The following MGAT3 variants were observed in gnomAD, a reference collection of about 807,000 sequenced individuals.
MGAT3 encodes GlcNAc-T III.
Under a neutral mutation model 29.8 loss-of-function variants are expected in MGAT3, and 9 were observed. The ratio of observed to expected loss-of-function variants is 0.30; its 90% CI spans 0.18 to 0.53. The LOEUF (loss-of-function observed/expected upper bound fraction) is 0.53. Ranked by LOEUF, MGAT3 falls within the 20% of genes least tolerant of loss-of-function variation. MGAT3 has a pLI of 0.96. For missense variants in MGAT3, 557 were observed against 769.5 expected, an observed-to-expected ratio of 0.72 and a Z score of 3.27; for synonymous variants, 397 against 348.9, an observed-to-expected ratio of 1.14 and a Z score of -1.54.
rs1320280105 is a variant in MGAT3, at chr22:39,489,510, G to A, written c.*561G>A. 1.7e-5 allele frequency: 3 copies of A among 172,738 alleles called. No homozygotes were observed. Among genetic ancestry groups the A allele is most frequent in the South Asian group, 3.7e-4 (2 of 5,396 alleles). The allele number at this position is 172,738 out of a possible 1,614,324, so 10.7% of individuals were successfully genotyped here. A position where few individuals can be genotyped will look rare whatever the true frequency, so the allele number is the denominator to read the frequency against. On this transcript the variant is annotated 3_prime_UTR_variant, in exon 2 of 2. Coordinates refer to ENST00000341184, the MANE Select transcript of MGAT3 (RefSeq NM_002409.5). ...GAGGTGCTGAGGGATGCTTTGCAGT[G>A]TAGTCAGAAGTGCTGGGCCAGATGG... is the stretch of plus-strand genomic sequence containing the variant.
intron 1 of MGAT3, among the ~76,000 whole-genome samples, chr22:39,470,496 G>T (rs151273340): frequency 1.1e-3 from 165 of 152,304 alleles, no homozygotes; most frequent in African/African-American, 3.9e-3. Context: ...GAGGAGTTGG[G>T]GTTTTAATTC....
intron 1 of MGAT3, among the ~76,000 whole-genome samples, chr22:39,473,287 G>A (rs1418535637): frequency 1.3e-5 from 2 of 152,314 alleles, no homozygotes; most frequent in African/African-American, 4.8e-5. Flanking sequence ...GGGTCGAGGA[G>A]CTAGCATATG....
chr22:39,481,924 CT>C (rs1266843672), intron 1 of MGAT3, among the ~76,000 whole-genome samples: 1 of 152,130 alleles, frequency 6.6e-6, no homozygotes, highest in African/African-American at 2.4e-5. Context: ...GATAGTTTTA[CT>C]GTTACACCTG....
intron 1 of MGAT3, among the ~76,000 whole-genome samples, chr22:39,485,774 GC>G (rs574445151): frequency 3.2e-3 from 484 of 152,150 alleles, no homozygotes; most frequent in African/African-American, 0.011. Context: ...GGGCGACAGA[GC>G]AAGACTCTGT....
In MGAT3 at chr22:39,457,902, C is replaced by A. The variant is rs1334993163; in HGVS notation, c.-2+345C>A. Among the ~76,000 whole-genome samples the A allele has an allele frequency of 6.6e-6, 1 of 151,676 alleles. No individual in the cohort carries two copies. The highest frequency in any genetic ancestry group is 1.9e-4 in the East Asian group (1 of 5,152). On this transcript the variant is annotated intron_variant, in intron 1 of 1. Coordinates refer to ENST00000341184, the MANE Select transcript of MGAT3 (RefSeq NM_002409.5). The surrounding 1 kb of genome is among the most constrained non-coding windows in gnomAD (Gnocchi z 6.8). Reference sequence around the variant, plus strand: ...AGCCGTGCTTTGTGCGCGGCACCCCCCAGCCTCCGGCGCGGCTCCCCCACA... The same window carrying A: ...AGCCGTGCTTTGTGCGCGGCACCCCACAGCCTCCGGCGCGGCTCCCCCACA...
intron 1 of MGAT3, among the ~76,000 whole-genome samples, chr22:39,479,955 G>A (rs771835259): frequency 4.6e-5 from 7 of 152,226 alleles, no homozygotes; most frequent in Non-Finnish European, 1.0e-4. Context: ...CTGGGGCCGT[G>A]CATAGTTCTC....
rs753015998 is a variant in MGAT3 at position 39,488,269 on chromosome 22, C to G, written c.922C>G (p.Arg308Gly). Residue 308 changes from arginine to glycine, a missense_variant, in exon 2 of 2, where the codon CGG becomes GGG. Physicochemically the swap from Arg to Gly is moderately radical, Grantham distance 125. Transcript: ENST00000341184. ...CGGCGTCTCGCGGCTGCGCAACCTGCGGCCCGACGACGTCTTCATCATTGA... is the reference window on the plus strand; with the variant it reads ...CGGCGTCTCGCGGCTGCGCAACCTGGGGCCCGACGACGTCTTCATCATTGA... Reference protein sequence around the residue: ...QDGVSRLRNLRPDDVFIIDDA... With the variant: ...QDGVSRLRNLGPDDVFIIDDA... 1 of 1,611,268 alleles carries G rather than the reference C, an allele frequency of 6.2e-7. No individual in the cohort carries two copies. The highest frequency in any genetic ancestry group is 1.3e-5 in the African/African-American group (1 of 74,942).
At chr22:39,468,113 C>T (rs1392869989) in intron 1 of MGAT3, among the ~76,000 whole-genome samples, 1 of 152,078 alleles carries the variant, frequency 6.6e-6, no homozygotes, top group East Asian at 1.9e-4. Flanking sequence ...GTGCCTTGTT[C>T]CAGCTGAGGG....
At chr22:39,483,049 G>A (rs565233390) in intron 1 of MGAT3, among the ~76,000 whole-genome samples, 4 of 152,350 alleles carry the variant, frequency 2.6e-5, no homozygotes, top group African/African-American at 9.6e-5. Flanking sequence ...GCCTCTCTGA[G>A]TTCCTCTTAC....
intron 1 of MGAT3, among the ~76,000 whole-genome samples, chr22:39,483,697 C>T (rs1381750184): frequency 6.6e-6 from 1 of 152,154 alleles, no homozygotes; most frequent in Non-Finnish European, 1.5e-5. Context: ...CAACTGGTCT[C>T]ACTTTGCCAG....
At chr22:39,480,388 G>C (rs1441812525) in intron 1 of MGAT3, among the ~76,000 whole-genome samples, 1 of 152,194 alleles carries the variant, frequency 6.6e-6, no homozygotes, top group East Asian at 1.9e-4. Flanking sequence ...TTATTCCCCA[G>C]GTAGGTCCTA....
chr22:39,467,809 C>T (rs1034237823), intron 1 of MGAT3, among the ~76,000 whole-genome samples: 1 of 61,114 alleles, frequency 1.6e-5, no homozygotes, highest in Non-Finnish European at 3.2e-5. Flanking sequence ...GGCTCAGTCT[C>T]AAAAAAAAAA....
intron 1 of MGAT3, among the ~76,000 whole-genome samples, chr22:39,463,218 T>C (rs1928545766): frequency 6.6e-6 from 1 of 152,230 alleles, no homozygotes; most frequent in Non-Finnish European, 1.5e-5. Context: ...CTCCCAGAGA[T>C]GTCTCTAACT....
intron 1 of MGAT3, among the ~76,000 whole-genome samples, chr22:39,485,748 C>T (rs1054027988): frequency 2.6e-5 from 4 of 152,122 alleles, no homozygotes; most frequent in African/African-American, 9.7e-5. Flanking sequence ...GAGATCGCAC[C>T]ACTGCACTTC....
intron 1 of MGAT3, among the ~76,000 whole-genome samples, chr22:39,472,225 C>T (rs1003257876): frequency 5.9e-5 from 9 of 152,126 alleles, no homozygotes; most frequent in African/African-American, 2.2e-4. Context: ...CCCAGAGAGA[C>T]CCAACTCCCT....
intron 1 of MGAT3, among the ~76,000 whole-genome samples, chr22:39,468,811 C>T (rs1415139135): frequency 6.6e-6 from 1 of 151,946 alleles, no homozygotes; most frequent in Non-Finnish European, 1.5e-5. Flanking sequence ...ACAAGGGGTT[C>T]TGGGGAGTAG....
At chr22:39,467,779 T>C (rs1422138976) in intron 1 of MGAT3, among the ~76,000 whole-genome samples, 3 of 133,772 alleles carry the variant, frequency 2.2e-5, no homozygotes, top group Non-Finnish European at 4.6e-5. Context: ...TCGCCCAGGC[T>C]AGAGTGCAAT....
intron 1 of MGAT3, among the ~76,000 whole-genome samples, chr22:39,466,129 C>T (rs1440225677): frequency 6.6e-6 from 1 of 152,134 alleles, no homozygotes; most frequent in Non-Finnish European, 1.5e-5. Context: ...GCTTCTTTCT[C>T]TGTGCTTTCC....
At chr22:39,473,758 G>T (rs1307131616) in intron 1 of MGAT3, among the ~76,000 whole-genome samples, 6 of 147,906 alleles carry the variant, frequency 4.1e-5, no homozygotes, top group Non-Finnish European at 8.9e-5. Context: ...CCCCTCGCTT[G>T]CTTGTCTCCA....
Sources: gnomAD v4.1 joint callset for allele counts (sites outside exome capture counted in the v4.1 genomes callset) on GRCh38, gnomAD v4.1.1 for gene constraint, Gnocchi (gnomAD v3.1) non-coding constraint, MANE v1.5 for transcripts, NCBI Gene and HGNC (gene_info 2026-07-23, HGNC 2026-07-21) for gene names.